CTNNA2: variants seen among roughly 807,000 people sequenced by gnomAD.
The protein encoded by CTNNA2 is catenin alpha 2.
Under a neutral mutation model 101.0 loss-of-function variants are expected in CTNNA2, and 42 were observed. The ratio of observed to expected loss-of-function variants is 0.42; its 90% CI spans 0.32 to 0.54. The LOEUF (loss-of-function observed/expected upper bound fraction) is 0.54. Among genes scored for constraint, CTNNA2 ranks in the 20% least tolerant of loss-of-function variants. The pLI is 0.14. For missense variants in CTNNA2, 871 were observed against 1,223.1 expected, an observed-to-expected ratio of 0.71 and a Z score of 4.29; for synonymous variants, 450 against 456.4, an observed-to-expected ratio of 0.99 and a Z score of 0.18.
At chr2:79,691,352 A>C (rs368317316) in intron 2 of CTNNA2, among the ~76,000 whole-genome samples, 2 of 152,098 alleles carry the variant, frequency 1.3e-5, no homozygotes, top group African/African-American at 4.8e-5. Flanking sequence ...ACATTATTTC[A>C]GTACTCATTT....
At chr2:80,050,929 C>T (rs1007142964) in intron 7 of CTNNA2, among the ~76,000 whole-genome samples, 1 of 152,052 alleles carries the variant, frequency 6.6e-6, no homozygotes, top group Non-Finnish European at 1.5e-5. Flanking sequence ...CACTATGTTG[C>T]CCAGGCTGTT....
At chr2:79,894,839 A>G (rs1684587562) in intron 6 of CTNNA2, among the ~76,000 whole-genome samples, 1 of 152,220 alleles carries the variant, frequency 6.6e-6, no homozygotes, top group Admixed American at 6.5e-5. Context: ...TATTGTTCAC[A>G]CTTTCACATG....
chr2:79,953,607 C>T (rs892676439), intron 7 of CTNNA2, among the ~76,000 whole-genome samples: 1 of 152,180 alleles, frequency 6.6e-6, no homozygotes, highest in African/African-American at 2.4e-5. Context: ...CACAGACAGG[C>T]GATTATTGGG....
intron 9 of CTNNA2, among the ~76,000 whole-genome samples, chr2:80,542,777 G>C (rs894652644): frequency 2.0e-5 from 3 of 152,064 alleles, no homozygotes; most frequent in Non-Finnish European, 2.9e-5. Flanking sequence ...AGAATGAGAG[G>C]TTGTTCAAAA....
At chr2:79,918,809 C>A (rs1385990795) in intron 7 of CTNNA2, among the ~76,000 whole-genome samples, 1 of 152,130 alleles carries the variant, frequency 6.6e-6, no homozygotes, top group African/African-American at 2.4e-5. Flanking sequence ...ATAAGTTGAC[C>A]TTCCAGAATC....
intron 7 of CTNNA2, among the ~76,000 whole-genome samples, chr2:80,389,342 G>A (rs1677292129): frequency 6.6e-6 from 1 of 152,018 alleles, no homozygotes; most frequent in African/African-American, 2.4e-5. Flanking sequence ...AAAAAATGGG[G>A]TAAATGGTTA....
intron 3 of CTNNA2, among the ~76,000 whole-genome samples, chr2:79,343,165 A>G (rs1677177278): frequency 6.6e-6 from 1 of 152,168 alleles, no homozygotes; most frequent in South Asian, 2.1e-4. Flanking sequence ...ATTATAGTTA[A>G]CCATATTGCC....
At chr2:79,677,500 G>A (rs533451191) in intron 2 of CTNNA2, among the ~76,000 whole-genome samples, 36 of 152,234 alleles carry the variant, frequency 2.4e-4, no homozygotes, top group African/African-American at 8.4e-4. Context: ...GTCGTAATAG[G>A]AAACACACAC....
intron 2 of CTNNA2, among the ~76,000 whole-genome samples, chr2:79,254,597 G>A (rs1341187932): frequency 6.6e-6 from 1 of 152,136 alleles, no homozygotes; most frequent in Admixed American, 6.5e-5. Context: ...AGAACTGTGA[G>A]TCGATTAAAC....
At chr2:79,518,405 A>G (rs978977545) in intron 1 of CTNNA2, among the ~76,000 whole-genome samples, 1 of 152,228 alleles carries the variant, frequency 6.6e-6, no homozygotes, top group Non-Finnish European at 1.5e-5. Context: ...CCACAGAGCC[A>G]TAATAGAAAA....
intron 3 of CTNNA2, among the ~76,000 whole-genome samples, chr2:79,841,549 G>A (rs1414453523): frequency 6.6e-6 from 1 of 151,880 alleles, no homozygotes; most frequent in African/African-American, 2.4e-5. Flanking sequence ...GTCCTTTTTT[G>A]TTGCTCCTTT....
At chr2:80,480,356 T>C (rs549742712) in intron 9 of CTNNA2, among the ~76,000 whole-genome samples, 1 of 152,164 alleles carries the variant, frequency 6.6e-6, no homozygotes, top group East Asian at 1.9e-4. Context: ...TGGTATTTTT[T>C]TCAGACCTAT....
intron 7 of CTNNA2, among the ~76,000 whole-genome samples, chr2:79,975,623 T>C (rs1690783042): frequency 2.6e-5 from 4 of 151,894 alleles, no homozygotes. Context: ...CACGACCCTT[T>C]CCTCAGGTCC....
intron 7 of CTNNA2, among the ~76,000 whole-genome samples, chr2:80,191,866 G>T (rs999478936): frequency 1.3e-5 from 2 of 152,082 alleles, no homozygotes; most frequent in South Asian, 4.1e-4. Flanking sequence ...TTAGGGTGTG[G>T]TTAAAGATAA....
chr2:79,279,266 G>T lies in CTNNA2; in HGVS notation c.-405-33443G>T, dbSNP rs139979498. Among the ~76,000 whole-genome samples, 612 of 152,044 alleles carry T rather than the reference G, an allele frequency of 4.0e-3. 4 individuals carry two copies. The highest frequency in any genetic ancestry group is 0.014 in the African/African-American group (587 of 41,482). On this transcript the variant is annotated intron_variant, in intron 2 of 21. Transcript: ENST00000466387. ...TAAGTAACTGGGGTTGTGTGCCCTC[G>T]CATAGAAAAGACAAAGTTCAGAAGG...
In CTNNA2 at chr2:79,362,270, C is replaced by T. The variant is rs972047072; in HGVS notation, c.-317-11561C>T. ...ATGCACTCACAAATATTCCAGCTCACGGTCATAGCTTTTTTGTTGTGTTAT... is the reference window on the plus strand; with the variant it reads ...ATGCACTCACAAATATTCCAGCTCATGGTCATAGCTTTTTTGTTGTGTTAT... On this transcript the variant is annotated intron_variant, in intron 3 of 21. Transcript: ENST00000466387. 7.9e-5 allele frequency among the ~76,000 whole-genome samples: 12 copies of T among 152,226 alleles called. No individual in the cohort carries two copies. In the South Asian group the frequency reaches 1.0e-3, roughly 13 times the overall value.
chr2:80,243,423 T>C (rs1165689138), intron 7 of CTNNA2, among the ~76,000 whole-genome samples: 1 of 152,042 alleles, frequency 6.6e-6, no homozygotes, highest in Non-Finnish European at 1.5e-5. Context: ...TTGCACCCCC[T>C]TCACATCCCA....
At chr2:79,542,750 A>G (rs533904592) in intron 1 of CTNNA2, among the ~76,000 whole-genome samples, 4 of 152,190 alleles carry the variant, frequency 2.6e-5, no homozygotes, top group Non-Finnish European at 4.4e-5. Context: ...TCTCACATGC[A>G]CATACACACA....
chr2:79,794,416 T>G (rs1276880230), intron 3 of CTNNA2, among the ~76,000 whole-genome samples: 1 of 152,200 alleles, frequency 6.6e-6, no homozygotes, highest in Admixed American at 6.5e-5. Flanking sequence ...TATTCATTTA[T>G]TACATATAAA....
Sources: gnomAD v4.1 joint callset for allele counts (sites outside exome capture counted in the v4.1 genomes callset) on GRCh38, gnomAD v4.1.1 for gene constraint, MANE v1.5 for transcripts, NCBI Gene and HGNC (gene_info 2026-07-23, HGNC 2026-07-21) for gene names.